HIVEP1: variants seen among roughly 807,000 people sequenced by gnomAD.
The protein encoded by HIVEP1 is HIVEP zinc finger 1.
A neutral mutation model predicts 180.0 loss-of-function variants in HIVEP1; 36 were observed. That is an observed-to-expected ratio of 0.20 (90% CI 0.15 to 0.26). The LOEUF is 0.26. HIVEP1 is among the 10% of genes least tolerant of loss of function. The pLI, the probability that HIVEP1 is intolerant of heterozygous loss-of-function variation, is 1.00. For synonymous variants in HIVEP1, 1,239 were observed against 1,239.0 expected (o/e 1.00, Z 0.00); for missense variants, 3,143 against 3,268.7 (o/e 0.96, Z 0.94).
intron 2 of HIVEP1, among the ~76,000 whole-genome samples, chr6:12,048,045 A>G (rs138985336): frequency 2.0e-5 from 3 of 152,350 alleles, no homozygotes; most frequent in African/African-American, 7.2e-5. Flanking sequence ...TTTTGCAGGT[A>G]GGATGCATCT....
intron 3 of HIVEP1, among the ~76,000 whole-genome samples, chr6:12,099,611 C>T (rs1210197115): frequency 1.3e-5 from 2 of 152,034 alleles, no homozygotes; most frequent in Admixed American, 6.5e-5. Context: ...TTCTCCACAC[C>T]CTCACCCTCT....
At chr6:12,052,821 G>C (rs761824608) in intron 2 of HIVEP1, among the ~76,000 whole-genome samples, 1 of 152,132 alleles carries the variant, frequency 6.6e-6, no homozygotes, top group Non-Finnish European at 1.5e-5. Flanking sequence ...ACCAGATTAA[G>C]ACTAGGTAAC....
At chr6:12,115,543 T>G (rs1262345662) in intron 3 of HIVEP1, among the ~76,000 whole-genome samples, 2 of 151,972 alleles carry the variant, frequency 1.3e-5, no homozygotes, top group Non-Finnish European at 2.9e-5. Flanking sequence ...AAGTCGTGTT[T>G]GGATTTTTGA....
chr6:12,178,209 C>T, the HIVEP1 span, among the ~76,000 whole-genome samples: 1 of 152,210 alleles, frequency 6.6e-6, no homozygotes, highest in East Asian at 1.9e-4. Flanking sequence ...ATGTGTCTGA[C>T]AGAGGATTCT....
chr6:12,074,290 A>G (rs1331329049), intron 2 of HIVEP1, among the ~76,000 whole-genome samples: 3 of 152,148 alleles, frequency 2.0e-5, no homozygotes, highest in African/African-American at 4.8e-5. Context: ...CTTCCACTCT[A>G]TGATAGTTGT....
intron 3 of HIVEP1, among the ~76,000 whole-genome samples, chr6:12,093,277 A>G (rs1773592475): frequency 6.6e-6 from 1 of 151,984 alleles, no homozygotes; most frequent in Non-Finnish European, 1.5e-5. Context: ...TATTTTGAAT[A>G]ACTATTCATT....
At position 12,124,685 on chromosome 6, in the gene HIVEP1, G is replaced by A. The variant is rs758585841; in HGVS notation, c.4890G>A (p.Val1630=). 4 of 1,614,120 alleles carry A rather than the reference G, an allele frequency of 2.5e-6. No individual in the cohort carries two copies. In the East Asian group the frequency reaches 8.9e-5, roughly 36 times the overall value. ...LRPLGSQVQK[V]PSSFMLPIRL... ...CCCTTGGAAGTCAGGTGCAGAAGGT[G>A]CCATCATCATTCATGCTGCCCATAC... The change falls in exon 4 of 9, where the codon GTG becomes GTA. Residue 1630 remains valine (V), a synonymous_variant. Transcript: ENST00000379388.
intron 7 of HIVEP1, among the ~76,000 whole-genome samples, chr6:12,138,658 C>T (rs371546335): frequency 2.2e-4 from 34 of 152,252 alleles, no homozygotes; most frequent in Admixed American, 1.3e-3. Context: ...TAGTCTCATC[C>T]GGTCTCCTGA....
chr6:12,204,368 C>CTGTCTTCCTCTTTTACCTCCCCTTCCT, the HIVEP1 span, among the ~76,000 whole-genome samples: 2 of 152,180 alleles, frequency 1.3e-5, no homozygotes, highest in Admixed American at 6.5e-5. Context: ...CCTCCCTTCC[C>CTGTCTTCCTCTTTTACCTCCCCTTCCT]CGTCTATCCT....
chr6:12,028,834 A>G (rs1768751359), intron 2 of HIVEP1, among the ~76,000 whole-genome samples: 1 of 152,150 alleles, frequency 6.6e-6, no homozygotes. Flanking sequence ...GTCACCCCCA[A>G]AATTTCCTTG....
chr6:12,195,660 G>GAATACATCTGACTGCA, the HIVEP1 span, among the ~76,000 whole-genome samples: 1 of 151,676 alleles, frequency 6.6e-6, no homozygotes, highest in Admixed American at 6.6e-5. Flanking sequence ...CTGGCATACA[G>GAATACATCTGACTGCA]AATTTAACTA....
intron 7 of HIVEP1, among the ~76,000 whole-genome samples, chr6:12,149,952 A>G (rs1032663617): frequency 7.2e-5 from 11 of 152,212 alleles, no homozygotes; most frequent in East Asian, 3.8e-4. Flanking sequence ...GATGGAATTC[A>G]TGTTCTAATT....
chr6:12,103,717 TTTC>T (rs1429403283), intron 3 of HIVEP1, among the ~76,000 whole-genome samples: 2 of 152,130 alleles, frequency 1.3e-5, no homozygotes, highest in Non-Finnish European at 2.9e-5. Flanking sequence ...GTATTCTTAT[TTTC>T]TTCCTCAGAG....
the HIVEP1 span, among the ~76,000 whole-genome samples, chr6:12,197,346 T>C: frequency 6.6e-6 from 1 of 151,498 alleles, no homozygotes. Context: ...TCACCTGAGG[T>C]CAGGAGTTTG....
upstream of HIVEP1, chr6:12,011,917 C>G (rs939438404): frequency 4.8e-5 from 7 of 144,544 alleles, no homozygotes; most frequent in African/African-American, 1.7e-4. Flanking sequence ...TCCTCCCGCC[C>G]CCGGGGATCC....
At chr6:12,196,528 A>G in the HIVEP1 span, among the ~76,000 whole-genome samples, 1 of 152,198 alleles carries the variant, frequency 6.6e-6, no homozygotes, top group Non-Finnish European at 1.5e-5. Flanking sequence ...CAGCTCTGGA[A>G]TATCTCCAAA....
intron 2 of HIVEP1, among the ~76,000 whole-genome samples, chr6:12,050,019 G>T (rs539320904): frequency 2.6e-5 from 4 of 152,280 alleles, no homozygotes; most frequent in South Asian, 2.1e-4. Flanking sequence ...GGTGCTCAGA[G>T]TCTGCCCCTG....
At chr6:12,115,347 A>ATTATT (rs1775145972) in intron 3 of HIVEP1, among the ~76,000 whole-genome samples, 1 of 73,454 alleles carries the variant, frequency 1.4e-5, no homozygotes, top group Non-Finnish European at 2.5e-5. Context: ...TTCCCCAACT[A>ATTATT]TTCTTTTTTT....
rs1469919745 is a variant in HIVEP1, at chr6:12,122,402, C to T, written c.2607C>T (p.Asp869=). The T allele has an allele frequency of 6.2e-7, 1 of 1,614,166 alleles. No homozygotes were observed. ...TAAGAGGAAGTCAGTCATTTGATGACAAAATTGGCGCTTTCTATGATGATG... is the reference window on the plus strand; with the variant it reads ...TAAGAGGAAGTCAGTCATTTGATGATAAAATTGGCGCTTTCTATGATGATG... ...HPLRGSQSFD[D]KIGAFYDDVF... The change falls in exon 4 of 9, where the codon GAC becomes GAT. Residue 869 remains aspartate (D), a synonymous_variant. Coordinates refer to ENST00000379388, the MANE Select transcript of HIVEP1 (RefSeq NM_002114.4).
Sources: gnomAD v4.1 joint callset for allele counts (sites outside exome capture counted in the v4.1 genomes callset) on GRCh38, gnomAD v4.1.1 for gene constraint, MANE v1.5 for transcripts, NCBI Gene and HGNC (gene_info 2026-07-23, HGNC 2026-07-21) for gene names.